The following DTNA variants were observed in gnomAD, a reference collection of about 807,000 sequenced individuals.
DTNA encodes dystrophin-related protein 3.
Under a neutral mutation model 100.7 loss-of-function variants are expected in DTNA, and 43 were observed. The ratio of observed to expected loss-of-function variants is 0.43; its 90% CI spans 0.33 to 0.55. The LOEUF (loss-of-function observed/expected upper bound fraction) is 0.55, where lower values mean the gene tolerates loss of function less well. Among genes scored for constraint, DTNA ranks in the 20% least tolerant of loss-of-function variants. DTNA has a pLI of 0.04. For missense variants in DTNA, 798 were observed against 953.9 expected, an observed-to-expected ratio of 0.84 and a Z score of 2.15; for synonymous variants, 349 against 347.9, an observed-to-expected ratio of 1.00 and a Z score of -0.04.
At chr18:34,627,966 TG>T (rs2057557862) in intron 1 of DTNA, among the ~76,000 whole-genome samples, 1 of 152,126 alleles carries the variant, frequency 6.6e-6, no homozygotes, top group Non-Finnish European at 1.5e-5. Context: ...TTGTTGTTGT[TG>T]GGGGGTAGAG....
intron 1 of DTNA, among the ~76,000 whole-genome samples, chr18:34,532,004 A>G (rs560128771): frequency 6.6e-6 from 1 of 152,276 alleles, no homozygotes; most frequent in Admixed American, 6.5e-5. Context: ...TGCTTTTTCA[A>G]TCATTTTAAT....
rs1423067202 is a variant in DTNA, at chr18:34,889,128, G to GA, written c.*1395dup. 23 of 966,638 alleles carry GA rather than the reference G, an allele frequency of 2.4e-5. No homozygotes were observed. Among genetic ancestry groups the GA allele is most frequent in the Admixed American group, 1.3e-4 (2 of 15,488 alleles). The allele number at this position is 966,638 out of a possible 1,614,324, so 59.9% of individuals were successfully genotyped here. On this transcript the variant is annotated 3_prime_UTR_variant, in exon 23 of 23. Coordinates refer to ENST00000444659, the MANE Select transcript of DTNA (RefSeq NM_001386795.1). ...TAATCTTCTACTTGCTTCAAGATTT[G>GA]ATTTTTTTAAAAAAGCCTGCGACCT...
rs140556605 is a variant in DTNA at position 34,815,245 on chromosome 18, TCTTA to T, written c.604-660_604-657del. Among the ~76,000 whole-genome samples the T allele has an allele frequency of 1.1e-3, 171 of 152,304 alleles. No individual in the cohort carries two copies. The East Asian group carries it at 0.026, about 24-fold the overall frequency. ...TACAGTACATGTATTAATATAGCTT[TCTTA>T]CTTTTATCATTTTGAAAGAAACTTA... On this transcript the variant is annotated intron_variant, in intron 6 of 22. Transcript: ENST00000444659.
intron 1 of DTNA, among the ~76,000 whole-genome samples, chr18:34,741,233 T>C (rs1392291723): frequency 3.9e-5 from 6 of 152,122 alleles, no homozygotes; most frequent in Non-Finnish European, 8.8e-5. Flanking sequence ...GGCACTTTAT[T>C]TTCATACCCT....
intron 4 of DTNA, among the ~76,000 whole-genome samples, chr18:34,804,606 G>T (rs2095313188): frequency 6.6e-6 from 1 of 152,174 alleles, no homozygotes; most frequent in Admixed American, 6.6e-5. Flanking sequence ...CAGGTAACTA[G>T]GTACATGGTG....
chr18:34,681,373 T>C (rs2078075239), intron 1 of DTNA, among the ~76,000 whole-genome samples: 1 of 152,128 alleles, frequency 6.6e-6, no homozygotes, highest in Non-Finnish European at 1.5e-5. Flanking sequence ...CATTGAGATA[T>C]AATATACATA....
chr18:34,861,800 A>G (rs1303321789), intron 16 of DTNA, among the ~76,000 whole-genome samples: 1 of 152,170 alleles, frequency 6.6e-6, no homozygotes, highest in East Asian at 1.9e-4. Flanking sequence ...ACTGTAAGAT[A>G]AATGTACAAT....
At chr18:34,735,322 C>T (rs1193436150) in intron 1 of DTNA, among the ~76,000 whole-genome samples, 4 of 152,102 alleles carry the variant, frequency 2.6e-5, no homozygotes, top group East Asian at 1.9e-4. Flanking sequence ...CTGACTCAAA[C>T]GTTATTTTGG....
At chr18:34,786,972 A>G (rs1242189801) in intron 3 of DTNA, among the ~76,000 whole-genome samples, 2 of 152,144 alleles carry the variant, frequency 1.3e-5, no homozygotes, top group Non-Finnish European at 2.9e-5. Context: ...TTATACTTAA[A>G]TGTGAATACA....
At chr18:34,845,686 T>C (rs1402090165) in intron 13 of DTNA, among the ~76,000 whole-genome samples, 4 of 152,158 alleles carry the variant, frequency 2.6e-5, no homozygotes, top group Non-Finnish European at 1.5e-5. Context: ...GAAAAGACAG[T>C]GTAACTTTCT....
chr18:34,723,583 A>G (rs1476254143), intron 1 of DTNA, among the ~76,000 whole-genome samples: 1 of 152,176 alleles, frequency 6.6e-6, no homozygotes, highest in Non-Finnish European at 1.5e-5. Context: ...GGCAAGGGAC[A>G]TAAGATGTTC....
intron 1 of DTNA, among the ~76,000 whole-genome samples, chr18:34,532,642 T>C (rs547915254): frequency 1.3e-5 from 2 of 152,170 alleles, no homozygotes; most frequent in East Asian, 1.9e-4. Context: ...ATTTTATGCA[T>C]GTCAACAAAA....
chr18:34,607,861 A>G (rs963770841), intron 1 of DTNA, among the ~76,000 whole-genome samples: 7 of 152,178 alleles, frequency 4.6e-5, no homozygotes, highest in Non-Finnish European at 8.8e-5. Flanking sequence ...GCATACAACA[A>G]CTAAGAAAAA....
intron 5 of DTNA, among the ~76,000 whole-genome samples, chr18:34,806,585 A>G (rs552732796): frequency 6.6e-6 from 1 of 152,300 alleles, no homozygotes; most frequent in Non-Finnish European, 1.5e-5. Flanking sequence ...TTTGCAGTTA[A>G]TTGTGTTATA....
chr18:34,695,242 A>G (rs2080355001), intron 1 of DTNA, among the ~76,000 whole-genome samples: 1 of 152,164 alleles, frequency 6.6e-6, no homozygotes, highest in South Asian at 2.1e-4. Flanking sequence ...GAGATTTCCC[A>G]TATCGTCTAA....
chr18:34,528,870 C>T (rs1171683596), intron 1 of DTNA, among the ~76,000 whole-genome samples: 1 of 152,068 alleles, frequency 6.6e-6, no homozygotes, highest in Non-Finnish European at 1.5e-5. Context: ...TATGTTTTCA[C>T]ACCCAATACC....
At chr18:34,755,724 T>TA in intron 1 of DTNA, 1 of 458,230 alleles carries the variant, frequency 2.2e-6, no homozygotes, top group South Asian at 2.2e-5. Flanking sequence ...GGTCATTTGC[T>TA]ACAGTAGTTA....
intron 1 of DTNA, among the ~76,000 whole-genome samples, chr18:34,569,137 G>A (rs535509883): frequency 2.0e-5 from 3 of 152,266 alleles, no homozygotes; most frequent in African/African-American, 7.2e-5. Flanking sequence ...ATTGGATTCA[G>A]CCCATCTAGA....
rs1176222281 is a variant in DTNA at position 34,791,636 on chromosome 18, A to G, written c.149-2401A>G. Reference sequence around the variant, plus strand: ...CCTTGTTGATTAATTCTTGATATACAGAAAAGCTTGCAAATTTGAAATCAC... The same window carrying G: ...CCTTGTTGATTAATTCTTGATATACGGAAAAGCTTGCAAATTTGAAATCAC... On this transcript the variant is annotated intron_variant, in intron 3 of 22. Transcript: ENST00000444659. Among the ~76,000 whole-genome samples the G allele has an allele frequency of 3.3e-5, 5 of 152,228 alleles. No individual in the cohort carries two copies. The South Asian group carries it at 8.3e-4, about 25-fold the overall frequency.
Sources: allele counts gnomAD v4.1 joint callset (sites outside exome capture counted in the v4.1 genomes callset), GRCh38; gene constraint gnomAD v4.1.1; transcripts MANE v1.5; gene names NCBI Gene and HGNC (gene_info 2026-07-23, HGNC 2026-07-21).